SEPTIN14: variants seen among roughly 807,000 people sequenced by gnomAD.
SEPTIN14 encodes septin 14.
Under a neutral mutation model 53.6 loss-of-function variants are expected in SEPTIN14, and 40 were observed. That is an observed-to-expected ratio of 0.75 (90% confidence interval 0.58 to 0.97). The LOEUF (loss-of-function observed/expected upper bound fraction) is 0.97, where lower values mean the gene tolerates loss of function less well. Among genes scored for constraint, SEPTIN14 ranks in the 50% least tolerant of loss-of-function variants. The pLI is 0.00. For synonymous variants in SEPTIN14, 138 were observed against 166.8 expected, an observed-to-expected ratio of 0.83 and a Z score of 1.33; for missense variants, 471 against 508.2, an observed-to-expected ratio of 0.93 and a Z score of 0.70.
Position 55,805,288 on chromosome 7 carries a change from T to C in SEPTIN14, c.1089A>G (p.Lys363=), listed in dbSNP as rs780969401. The C allele has an allele frequency of 2.1e-5, 34 of 1,612,532 alleles. 1 individual carries two copies. In the South Asian group the frequency reaches 3.7e-4, roughly 18 times the overall value. The change falls in exon 9 of 10, where the codon AAA becomes AAG. Residue 363 remains lysine, a synonymous_variant. Transcript: ENST00000388975. ...KQRFMQRVKE[K]EATFKEAEKE... is the part of the protein sequence containing the mutation. ...TTTCAGCTTCTTTAAATGTTGCTTC[T>C]TTCTCCTTGACTCGCTGCATAAATC... is the stretch of plus-strand genomic sequence containing the variant.
chr7:55,862,031 A>G lies in SEPTIN14; in HGVS notation c.-15-20T>C. On this transcript the variant is annotated intron_variant, in intron 1 of 9. Transcript: ENST00000388975. ...AAAGAGCTGGAAATTTAAAAAAATA[A>G]ACATTTTTAAAAATTTCTTACAAAG... is the stretch of plus-strand genomic sequence containing the variant. The G allele has an allele frequency of 6.9e-7, 1 of 1,457,708 alleles. No individual in the cohort carries two copies. The highest frequency in any genetic ancestry group is 9.3e-7 in the Non-Finnish European group (1 of 1,079,086). 90.3% of individuals were successfully genotyped at this position (1,457,708 alleles called of 1,614,324 possible).
rs1165341945 is a variant in SEPTIN14, at chr7:55,834,409, T to C, written c.720+16A>G. On this transcript the variant is annotated intron_variant, in intron 6 of 9. Coordinates refer to ENST00000388975, the MANE Select transcript of SEPTIN14 (RefSeq NM_207366.3). ...TCATTTCTAGCCTCTTTGTCAGATA[T>C]GTTACTGAAACTTACACTAACTGAG... The C allele has an allele frequency of 2.5e-6, 4 of 1,584,516 alleles. No individual in the cohort carries two copies. Among genetic ancestry groups the C allele is most frequent in the African/African-American group, 1.4e-5 (1 of 73,638 alleles).
intron 9 of SEPTIN14, chr7:55,798,339 A>C (rs1375497093): frequency 6.8e-6 from 2 of 294,050 alleles, no homozygotes; most frequent in Non-Finnish European, 1.3e-5. Context: ...CCCAGGGCCC[A>C]GAACCCCACA....
At chr7:55,836,147 A>G (rs1789201633) in intron 5 of SEPTIN14, among the ~76,000 whole-genome samples, 1 of 152,174 alleles carries the variant, frequency 6.6e-6, no homozygotes, top group Non-Finnish European at 1.5e-5. Flanking sequence ...TTTTGTAAAA[A>G]GACATAATTT....
intron 5 of SEPTIN14, among the ~76,000 whole-genome samples, chr7:55,835,965 A>G (rs1789198513): frequency 6.6e-6 from 1 of 151,182 alleles, no homozygotes; most frequent in South Asian, 2.1e-4. Context: ...CTAGTCTCGA[A>G]CTCCTGACCT....
At chr7:55,851,112 T>G (rs1032960978) in intron 2 of SEPTIN14, among the ~76,000 whole-genome samples, 1 of 152,168 alleles carries the variant, frequency 6.6e-6, no homozygotes, top group Non-Finnish European at 1.5e-5. Flanking sequence ...CAACTTGCTT[T>G]TTTCTACTAA....
chr7:55,842,907 C>T, intron 5 of SEPTIN14, 35 bp downstream of exon 5: 1 of 1,073,778 alleles, frequency 9.3e-7, no homozygotes, highest in Non-Finnish European at 1.2e-6. Context: ...GACTCCGTCT[C>T]AAAAAAAAAA....
chr7:55,841,343 A>G (rs993201633), intron 5 of SEPTIN14, among the ~76,000 whole-genome samples: 3 of 152,170 alleles, frequency 2.0e-5, no homozygotes, highest in African/African-American at 7.2e-5. Flanking sequence ...TGTACCCAAT[A>G]GGTAATTTTT....
intron 7 of SEPTIN14, among the ~76,000 whole-genome samples, chr7:55,812,351 A>T (rs892339807): frequency 6.6e-6 from 1 of 152,196 alleles, no homozygotes; most frequent in East Asian, 1.9e-4. Context: ...AATACTGCAT[A>T]ATCTCACTTA....
chr7:55,809,309 CTTTTTTT>C (rs780613537), intron 7 of SEPTIN14, among the ~76,000 whole-genome samples: 67 of 88,670 alleles, frequency 7.6e-4, no homozygotes, highest in Admixed American at 2.5e-3. Context: ...ACTATGCTTA[CTTTTTTT>C]TTTTTTTTTT....
intron 5 of SEPTIN14, among the ~76,000 whole-genome samples, chr7:55,836,460 C>T (rs947049955): frequency 6.6e-6 from 1 of 152,022 alleles, no homozygotes; most frequent in Admixed American, 6.6e-5. Flanking sequence ...ATGGACAGAC[C>T]GGGCGCAGTG....
chr7:55,803,764 G>A (rs139991585), intron 9 of SEPTIN14, among the ~76,000 whole-genome samples: 3,976 of 152,130 alleles, frequency 0.026, 210 homozygotes, highest in East Asian at 0.14. Flanking sequence ...TAAGGGAAGT[G>A]AGGTGGGAGA....
chr7:55,827,587 G>T (rs2116014293), intron 6 of SEPTIN14, among the ~76,000 whole-genome samples: 1 of 152,268 alleles, frequency 6.6e-6, no homozygotes, highest in Admixed American at 6.5e-5. Context: ...CCCTCTAAAG[G>T]CTACTGTTCA....
chr7:55,827,453 ACT>A (rs199907269), intron 6 of SEPTIN14, among the ~76,000 whole-genome samples: 2 of 152,142 alleles, frequency 1.3e-5, no homozygotes, highest in East Asian at 3.9e-4. Context: ...AGAGTCATGA[ACT>A]CTGGGACAGG....
chr7:55,847,720 A>T (rs183421953), intron 2 of SEPTIN14, among the ~76,000 whole-genome samples: 52 of 152,324 alleles, frequency 3.4e-4, no homozygotes, highest in Middle Eastern at 6.8e-3. Context: ...TGAAATTTTT[A>T]AAAAATCAAA....
At chr7:55,841,737 C>A (rs1197371417) in intron 5 of SEPTIN14, among the ~76,000 whole-genome samples, 1 of 151,720 alleles carries the variant, frequency 6.6e-6, no homozygotes, top group African/African-American at 2.4e-5. Flanking sequence ...TGCCTGTAAT[C>A]TCATCTACTC....
intron 9 of SEPTIN14, among the ~76,000 whole-genome samples, chr7:55,800,807 T>C (rs1788512291): frequency 1.3e-5 from 2 of 152,148 alleles, no homozygotes; most frequent in South Asian, 4.1e-4. Context: ...AATAATTTAA[T>C]TGTACCTTTT....
At chr7:55,862,364 G>T (rs901806011) in intron 1 of SEPTIN14, among the ~76,000 whole-genome samples, 1 of 151,348 alleles carries the variant, frequency 6.6e-6, no homozygotes, top group African/African-American at 2.4e-5. Flanking sequence ...TTAAAAAATG[G>T]TTAAAAAAAA....
At chr7:55,806,963 G>T in intron 8 of SEPTIN14, 127 bp downstream of exon 8, 1 of 619,010 alleles carries the variant, frequency 1.6e-6, no homozygotes, top group Non-Finnish European at 2.7e-6. Context: ...CTAACATTCA[G>T]GTGTTTTCTT....
Sources: gnomAD v4.1 joint callset for allele counts (sites outside exome capture counted in the v4.1 genomes callset) on GRCh38, gnomAD v4.1.1 for gene constraint, MANE v1.5 for transcripts, NCBI Gene and HGNC (gene_info 2026-07-23, HGNC 2026-07-21) for gene names.